AGBL1: variants seen among roughly 807,000 people sequenced by gnomAD.
AGBL1 encodes cytosolic carboxypeptidase 4.
Under a neutral mutation model 118.9 loss-of-function variants are expected in AGBL1, and 130 were observed. That is an observed-to-expected ratio of 1.09 (90% CI 0.95 to 1.26). The LOEUF is 1.26. AGBL1 is among the 50% of genes most tolerant of loss of function. The pLI is 0.00. For missense variants in AGBL1, 1,584 were observed against 1,298.1 expected, an observed-to-expected ratio of 1.22 and a Z score of -3.38; for synonymous variants, 555 against 478.9, an observed-to-expected ratio of 1.16 and a Z score of -2.08.
chr15:86,259,010 G>A (rs1222306855), intron 9 of AGBL1, among the ~76,000 whole-genome samples: 1 of 152,150 alleles, frequency 6.6e-6, no homozygotes, highest in South Asian at 2.1e-4. Flanking sequence ...CAGCCTCCAA[G>A]CAGTCTTTGT....
intron 18 of AGBL1, among the ~76,000 whole-genome samples, chr15:86,439,664 C>T (rs1020675373): frequency 6.6e-5 from 10 of 152,188 alleles, no homozygotes; most frequent in African/African-American, 2.2e-4. Context: ...GCACAGAAAT[C>T]CAACACTTTT....
chr15:86,253,542 C>T (rs527257148), intron 7 of AGBL1, among the ~76,000 whole-genome samples: 1 of 152,100 alleles, frequency 6.6e-6, no homozygotes, highest in Non-Finnish European at 1.5e-5. Flanking sequence ...AGGCACCATG[C>T]CTGGCCTCCA....
intron 5 of AGBL1, among the ~76,000 whole-genome samples, chr15:86,173,520 A>G (rs2077442118): frequency 6.6e-6 from 1 of 151,968 alleles, no homozygotes; most frequent in Admixed American, 6.6e-5. Context: ...CTTTAACCAG[A>G]CCAACCTTCT....
chr15:86,455,715 A>G (rs750091456), intron 18 of AGBL1, among the ~76,000 whole-genome samples: 23 of 152,274 alleles, frequency 1.5e-4, no homozygotes, highest in Admixed American at 8.5e-4. Context: ...AAATCACTTA[A>G]TTCTCACTTA....
chr15:86,689,135 G>T (rs942915104), intron 22 of AGBL1, among the ~76,000 whole-genome samples: 1 of 152,102 alleles, frequency 6.6e-6, no homozygotes, highest in African/African-American at 2.4e-5. Context: ...CTAACAGCCT[G>T]AGACGCATCA....
chr15:86,714,401 A>G (rs894758159), intron 22 of AGBL1, among the ~76,000 whole-genome samples: 1 of 152,180 alleles, frequency 6.6e-6, no homozygotes, highest in South Asian at 2.1e-4. Flanking sequence ...AAGATAAACT[A>G]TCAGTGGGAA....
At chr15:86,704,928 T>C (rs1324299102) in intron 22 of AGBL1, among the ~76,000 whole-genome samples, 1 of 152,128 alleles carries the variant, frequency 6.6e-6, no homozygotes, top group Non-Finnish European at 1.5e-5. Flanking sequence ...GTGGCACATA[T>C]ACACCATGGA....
intron 22 of AGBL1, among the ~76,000 whole-genome samples, chr15:86,695,952 G>A (rs1449825254): frequency 1.3e-5 from 2 of 152,078 alleles, no homozygotes; most frequent in East Asian, 3.9e-4. Context: ...ACTGTTGTCT[G>A]ACAAAGTACT....
intron 22 of AGBL1, among the ~76,000 whole-genome samples, chr15:86,709,028 C>T (rs8043239): frequency 0.03 from 4,572 of 152,222 alleles, 188 homozygotes; most frequent in African/African-American, 0.096. Context: ...AAAGGTATGA[C>T]TATTTTCTCA....
chr15:86,924,008 A>G (rs577569254), intron 23 of AGBL1, among the ~76,000 whole-genome samples: 1 of 152,340 alleles, frequency 6.6e-6, no homozygotes, highest in East Asian at 1.9e-4. Context: ...TATACATACA[A>G]AAGCAGTCTC....
chr15:86,599,072 C>T (rs1165615718), intron 21 of AGBL1, among the ~76,000 whole-genome samples: 1 of 152,050 alleles, frequency 6.6e-6, no homozygotes, highest in Admixed American at 6.6e-5. Flanking sequence ...CAGAATGATT[C>T]TTGTGAGACG....
intron 17 of AGBL1, among the ~76,000 whole-genome samples, chr15:86,301,641 G>GGT (rs60282415): frequency 0.01 from 1,420 of 137,260 alleles, 10 homozygotes; most frequent in East Asian, 0.031. Flanking sequence ...TAATCTACAG[G>GGT]GTGTGTGTGT....
chr15:86,898,749 A>G (rs529493913), intron 22 of AGBL1, among the ~76,000 whole-genome samples: 2 of 152,338 alleles, frequency 1.3e-5, no homozygotes, highest in South Asian at 4.1e-4. Flanking sequence ...ATACTTTTCA[A>G]AAGAAGACAA....
Position 86,095,646 on chromosome 15 carries a change from C to CTTTTTTTTTTTTTTTTTTTTTT in AGBL1, c.51+15623_51+15624insTTTTTTTTTTTTTTTTTTTTTT, listed in dbSNP as rs1896319963. 3.4e-5 allele frequency among the ~76,000 whole-genome samples: 4 copies of CTTTTTTTTTTTTTTTTTTTTTT among 116,684 alleles called. 2 individuals carry two copies. The highest frequency in any genetic ancestry group is 3.5e-5 in the Non-Finnish European group (2 of 57,540). The allele number at this position is 116,684 out of a possible 152,430, so 76.5% of individuals were successfully genotyped here. On this transcript the variant is annotated intron_variant, in intron 1 of 22. Coordinates refer to ENST00000614907, the MANE Select transcript of AGBL1 (RefSeq NM_001386094.1). ...TCATAATGTCACATGACCTTGGATA[C>CTTTTTTTTTTTTTTTTTTTTTT]CTTTTTTTTTTTTTTTTTTTTTTTT...
chr15:86,187,674 A>G (rs2077654346), intron 5 of AGBL1, among the ~76,000 whole-genome samples: 1 of 152,178 alleles, frequency 6.6e-6, no homozygotes, highest in Non-Finnish European at 1.5e-5. Flanking sequence ...AATAATGAAT[A>G]CTATCCTTCA....
chr15:86,500,340 T>A (rs2082903519), intron 18 of AGBL1, among the ~76,000 whole-genome samples: 1 of 151,758 alleles, frequency 6.6e-6, no homozygotes, highest in Non-Finnish European at 1.5e-5. Flanking sequence ...AAGTTGCAGA[T>A]TCACACAAGA....
chr15:86,573,946 T>C (rs1235922189), intron 21 of AGBL1, among the ~76,000 whole-genome samples: 2 of 152,150 alleles, frequency 1.3e-5, no homozygotes, highest in South Asian at 2.1e-4. Flanking sequence ...AAAAATACTT[T>C]CCCTTTTCAA....
chr15:86,324,482 T>TGCATTCATTCATTAGTTTATACG (rs1387729926), intron 17 of AGBL1, among the ~76,000 whole-genome samples: 1 of 152,204 alleles, frequency 6.6e-6, no homozygotes. Flanking sequence ...TCTCATAGCC[T>TGCATTCATTCATTAGTTTATACG]GCATTCATTC....
chr15:86,196,858 TGTGCACATGTGC>T lies in AGBL1; in HGVS notation c.489-28054_489-28043del, dbSNP rs1409939058. Among the ~76,000 whole-genome samples, 20 of 116,324 alleles carry T rather than the reference TGTGCACATGTGC, an allele frequency of 1.7e-4. 1 individual carries two copies. The East Asian group carries it at 5.6e-3, about 32-fold the overall frequency. The allele number at this position is 116,324 out of a possible 152,430, so 76.3% of individuals were successfully genotyped here. A position where few individuals can be genotyped will look rare whatever the true frequency, so the allele number is the denominator to read the frequency against. Reference sequence around the variant, plus strand: ...TTCCTCCTCTCCCTGCATATGCGAATGTGCACATGTGCGCGCGCGCGCACACACACACACACA... The same window carrying T: ...TTCCTCCTCTCCCTGCATATGCGAATGCGCGCGCGCACACACACACACACA... On this transcript the variant is annotated intron_variant, in intron 5 of 22. Transcript: ENST00000614907.
Sources: gnomAD v4.1 joint callset for allele counts (sites outside exome capture counted in the v4.1 genomes callset) on GRCh38, gnomAD v4.1.1 for gene constraint, MANE v1.5 for transcripts, NCBI Gene and HGNC (gene_info 2026-07-23, HGNC 2026-07-21) for gene names.